TIGIT: variants seen among roughly 807,000 people sequenced by gnomAD.
TIGIT encodes the protein T cell immunoreceptor with Ig and ITIM domains, also known as T-cell immunoreceptor with Ig and ITIM domains.
Under a neutral mutation model 19.6 loss-of-function variants are expected in TIGIT, and 11 were observed. The ratio of observed to expected loss-of-function variants is 0.56; its 90% confidence interval spans 0.35 to 0.93. The LOEUF (loss-of-function observed/expected upper bound fraction) is 0.93, where lower values mean the gene tolerates loss of function less well. Ranked by LOEUF, TIGIT falls within the 40% of genes least tolerant of loss-of-function variation. The pLI is 0.01. For synonymous variants in TIGIT, 130 were observed against 125.5 expected (o/e 1.04, Z -0.24); for missense variants, 295 against 303.9 (o/e 0.97, Z 0.22).
rs141092303 is a variant in TIGIT at position 114,299,651 on chromosome 3, C to T, written c.446C>T (p.Thr149Met). The change falls in exon 3 of 4, where the codon ACG becomes ATG. Residue 149 changes from threonine to methionine, a missense_variant. Transcript: ENST00000383671. ...CCATTGCTTGGAGCCATGGCCGCGA[C>T]GCTGGTGGTCATCTGCACAGCAGTC... The part of the protein sequence containing the change: ...QIPLLGAMAA[T>M]LVVICTAVIV... The T allele has an allele frequency of 1.7e-5, 27 of 1,613,406 alleles. No homozygotes were observed. Among genetic ancestry groups the T allele is most frequent in the African/African-American group, 8.0e-5 (6 of 75,050 alleles).
At chr3:114,294,714 G>A (rs1279297572) in intron 1 of TIGIT, among the ~76,000 whole-genome samples, 3 of 152,172 alleles carry the variant, frequency 2.0e-5, no homozygotes, top group Admixed American at 6.5e-5. Context: ...GGGTTGCTGG[G>A]GAGAGGTTAA....
In TIGIT at chr3:114,308,141, G is replaced by T. The variant is rs1321754079; in HGVS notation, c.*10G>T. On this transcript the variant is annotated 3_prime_UTR_variant, in exon 4 of 4. Transcript: ENST00000383671. ...CACAGAGACTGGTTAGCAACCAGAG[G>T]CATCTTCTGGAAGATACACTTTTGT... The T allele has an allele frequency of 6.2e-7, 1 of 1,608,988 alleles. No homozygotes were observed. Among genetic ancestry groups the T allele is most frequent in the South Asian group, 1.1e-5 (1 of 90,802 alleles).
intron 3 of TIGIT, among the ~76,000 whole-genome samples, chr3:114,306,366 C>T (rs1056004651): frequency 6.6e-6 from 1 of 152,176 alleles, no homozygotes; most frequent in Admixed American, 6.5e-5. Flanking sequence ...GCTTTACTAG[C>T]TCTCTCAGCT....
intron 3 of TIGIT, among the ~76,000 whole-genome samples, chr3:114,301,042 A>T (rs2078489163): frequency 6.6e-6 from 1 of 152,216 alleles, no homozygotes; most frequent in Non-Finnish European, 1.5e-5. Flanking sequence ...ATCTTTATAA[A>T]TAACAAAGAA....
chr3:114,305,780 A>AGATGGATG lies in TIGIT; in HGVS notation c.499-2073_499-2066dup, dbSNP rs139399080. Among the ~76,000 whole-genome samples, 672 of 143,756 alleles carry AGATGGATG rather than the reference A, an allele frequency of 4.7e-3. 4 individuals are homozygous for AGATGGATG. The highest frequency in any genetic ancestry group is 6.8e-3 in the Middle Eastern group (2 of 292). 94.3% of individuals were successfully genotyped at this position (143,756 alleles called of 152,430 possible). ...GAGGGACAGAACCAATAGGAGATATAGATGGATGGATGGATGGATGGATGG... is the reference window on the plus strand; with the variant it reads ...GAGGGACAGAACCAATAGGAGATATAGATGGATGGATGGATGGATGGATGGATGGATGG... On this transcript the variant is annotated intron_variant, in intron 3 of 3. Coordinates refer to ENST00000383671, the MANE Select transcript of TIGIT (RefSeq NM_173799.4).
chr3:114,308,336 C>A lies in TIGIT; in HGVS notation c.*205C>A, dbSNP rs1355820909. ...TATTCCATTTTGCATTATGGCAGGC[C>A]TAGGGTGAGTAACGTGGATCTTGAT... On this transcript the variant is annotated 3_prime_UTR_variant, in exon 4 of 4. Coordinates refer to ENST00000383671, the MANE Select transcript of TIGIT (RefSeq NM_173799.4). The A allele has an allele frequency of 3.8e-6, 2 of 526,966 alleles. No homozygotes were observed. The highest frequency in any genetic ancestry group is 3.8e-5 in the African/African-American group (2 of 52,262). 32.6% of individuals were successfully genotyped at this position (526,966 alleles called of 1,614,324 possible). A position where few individuals can be genotyped will look rare whatever the true frequency, so the allele number is the denominator to read the frequency against.
chr3:114,296,461 A>G (rs1441855125), intron 2 of TIGIT, among the ~76,000 whole-genome samples: 2 of 152,252 alleles, frequency 1.3e-5, no homozygotes, highest in Non-Finnish European at 2.9e-5. Context: ...CTCTGACACC[A>G]GACAGTCTGG....
intron 3 of TIGIT, among the ~76,000 whole-genome samples, chr3:114,304,250 T>A (rs976089665): frequency 6.6e-5 from 10 of 152,318 alleles, no homozygotes; most frequent in African/African-American, 2.4e-4. Flanking sequence ...TATTACTTTT[T>A]AAAACTATTT....
At position 114,307,861 on chromosome 3, in the gene TIGIT, C is replaced by A. The variant is rs140786306; in HGVS notation, c.499-34C>A. 2.5e-6 allele frequency: 4 copies of A among 1,581,362 alleles called. No homozygotes were observed. The African/African-American group carries it at 5.4e-5, about 21-fold the overall frequency. On this transcript the variant is annotated intron_variant, in intron 3 of 3. Coordinates refer to ENST00000383671, the MANE Select transcript of TIGIT (RefSeq NM_173799.4). ...GGGGATTAACTGTTGAATAACATCC[C>A]CACATACTCACTTTGTAGTTTGTTT...
At chr3:114,299,738 A>C in intron 3 of TIGIT, 35 bp downstream of exon 3, 1 of 1,456,512 alleles carries the variant, frequency 6.9e-7, no homozygotes, top group Non-Finnish European at 9.6e-7. Context: ...AGTCATGGGC[A>C]CCCCCACGTC....
At position 114,308,237 on chromosome 3, in the gene TIGIT, ATGTG is replaced by A; in HGVS notation, c.*116_*119del. 2 of 479,410 alleles carry A rather than the reference ATGTG, an allele frequency of 4.2e-6. No individual in the cohort carries two copies. The highest frequency in any genetic ancestry group is 3.7e-6 in the Non-Finnish European group (1 of 270,898). 29.7% of individuals were successfully genotyped at this position (479,410 alleles called of 1,614,324 possible). A position where few individuals can be genotyped will look rare whatever the true frequency, so the allele number is the denominator to read the frequency against. ...GTGCTGCGTGTGTGTGTGTGTGTGT[ATGTG>A]TGTGTGTGTTCAGTTGAGTGAATAA... is the stretch of plus-strand genomic sequence containing the variant. On this transcript the variant is annotated 3_prime_UTR_variant, in exon 4 of 4. Transcript: ENST00000383671.
rs117211422 is a variant in TIGIT, at chr3:114,306,280, A to G, written c.499-1615A>G. 1.4e-4 allele frequency among the ~76,000 whole-genome samples: 22 copies of G among 152,268 alleles called. No individual in the cohort carries two copies. In the East Asian group the frequency reaches 4.2e-3, roughly 29 times the overall value. On this transcript the variant is annotated intron_variant, in intron 3 of 3. Transcript: ENST00000383671. ...TGGTGCTTGGCTACATTTAGAGTGT[A>G]TCTTACCTACTCACTTCACTCAGAC...
rs992727379 is a variant in TIGIT at position 114,309,700 on chromosome 3, T to C, written c.*1569T>C. 1 of 152,238 alleles carries C rather than the reference T, an allele frequency of 6.6e-6. No individual in the cohort carries two copies. The highest frequency in any genetic ancestry group is 2.4e-5 in the African/African-American group (1 of 41,458). 9.4% of individuals were successfully genotyped at this position (152,238 alleles called of 1,614,324 possible). On this transcript the variant is annotated 3_prime_UTR_variant, in exon 4 of 4. Coordinates refer to ENST00000383671, the MANE Select transcript of TIGIT (RefSeq NM_173799.4). ...AATGTTGTTGTTTGCTGTGGCAGTTTACAGCATTTTTCTTGCAAAATTAGT... is the reference window on the plus strand; with the variant it reads ...AATGTTGTTGTTTGCTGTGGCAGTTCACAGCATTTTTCTTGCAAAATTAGT...
rs140533789 is a variant in TIGIT at position 114,305,966 on chromosome 3, C to T, written c.499-1929C>T. On this transcript the variant is annotated intron_variant, in intron 3 of 3. Coordinates refer to ENST00000383671, the MANE Select transcript of TIGIT (RefSeq NM_173799.4). ...GATTGTAAAGGCTGAGAAGTCTCAC[C>T]ACAGGCTGTCTGCAAGCTGGAGACC... Among the ~76,000 whole-genome samples the T allele has an allele frequency of 3.5e-4, 53 of 152,082 alleles. No homozygotes were observed. The East Asian group carries it at 8.9e-3, about 26-fold the overall frequency.
chr3:114,297,671 A>G (rs1473298178), intron 2 of TIGIT, among the ~76,000 whole-genome samples: 1 of 152,138 alleles, frequency 6.6e-6, no homozygotes, highest in Non-Finnish European at 1.5e-5. Flanking sequence ...CAGGCCATTC[A>G]TGGAGATCGG....
chr3:114,305,620 C>T (rs941932223), intron 3 of TIGIT, among the ~76,000 whole-genome samples: 1 of 152,074 alleles, frequency 6.6e-6, no homozygotes, highest in Admixed American at 6.5e-5. Flanking sequence ...TGCTCACCAG[C>T]GAGGGCCCAA....
At chr3:114,299,389 C>G (rs1274836913) in intron 2 of TIGIT, among the ~76,000 whole-genome samples, 1 of 152,204 alleles carries the variant, frequency 6.6e-6, no homozygotes, top group Non-Finnish European at 1.5e-5. Context: ...ACAAGGTACA[C>G]CACTGCTGAA....
At chr3:114,297,016 C>T (rs370456140) in intron 2 of TIGIT, among the ~76,000 whole-genome samples, 2 of 151,972 alleles carry the variant, frequency 1.3e-5, no homozygotes, top group East Asian at 3.9e-4. Context: ...CCTGCCTCAG[C>T]CTCCTGAGTA....
At chr3:114,300,143 G>A (rs1312255112) in intron 3 of TIGIT, among the ~76,000 whole-genome samples, 1 of 152,186 alleles carries the variant, frequency 6.6e-6, no homozygotes, top group African/African-American at 2.4e-5. Context: ...CAAAAATGTA[G>A]GGTTAGGCCA....
Sources: gnomAD v4.1 joint callset for allele counts (sites outside exome capture counted in the v4.1 genomes callset) on GRCh38, gnomAD v4.1.1 for gene constraint, MANE v1.5 for transcripts, NCBI Gene and HGNC (gene_info 2026-07-23, HGNC 2026-07-21) for gene names.